KBTBD12: variants seen among roughly 807,000 people sequenced by gnomAD.
KBTBD12 encodes the protein kelch repeat and BTB domain-containing protein 12.
A neutral mutation model predicts 58.7 loss-of-function variants in KBTBD12; 53 were observed. The ratio of observed to expected loss-of-function variants is 0.90; its 90% CI spans 0.72 to 1.14. The LOEUF (loss-of-function observed/expected upper bound fraction) is 1.14. Ranked by LOEUF, KBTBD12 falls within the 50% of genes most tolerant of loss-of-function variation. KBTBD12 has a pLI of 0.00. For synonymous variants in KBTBD12, 236 were observed against 259.8 expected (o/e 0.91, Z 0.88); for missense variants, 704 against 751.3 (o/e 0.94, Z 0.74).
rs992628127 is a variant in KBTBD12 at position 127,983,443 on chromosome 3, G to A, written c.1691-654G>A. Among the ~76,000 whole-genome samples, 3 of 152,218 alleles carry A rather than the reference G, an allele frequency of 2.0e-5. 1 individual carries two copies. The East Asian group carries it at 5.8e-4, about 29-fold the overall frequency. ...CTCTCATAAGAATGGATTAGTTCCT[G>A]GGAAAGGGGGCTGTTAAAAATAGTC... On this transcript the variant is annotated intron_variant, in intron 5 of 5. Transcript: ENST00000405109.
intron 5 of KBTBD12, among the ~76,000 whole-genome samples, chr3:127,965,296 C>T (rs1391613117): frequency 2.6e-5 from 4 of 152,298 alleles, no homozygotes; most frequent in African/African-American, 9.6e-5. Context: ...CTTCTTGGTA[C>T]TATTAATATA....
rs544151305 is a variant in KBTBD12, at chr3:127,929,974, T to C, written c.1342-159T>C. Among the ~76,000 whole-genome samples the C allele has an allele frequency of 6.6e-5, 10 of 152,314 alleles. 1 individual carries two copies. The highest frequency in any genetic ancestry group is 2.4e-4 in the African/African-American group (10 of 41,564). On this transcript the variant is annotated intron_variant, in intron 3 of 5. Transcript: ENST00000405109. ...ATTCCTCTGATATTGACAGTATACT[T>C]ATAACCCCCGTCATGGGGTTTGGTG... is the stretch of plus-strand genomic sequence containing the variant.
intron 5 of KBTBD12, among the ~76,000 whole-genome samples, chr3:127,978,080 G>A (rs993084504): frequency 4.6e-5 from 7 of 152,178 alleles, no homozygotes; most frequent in African/African-American, 1.7e-4. Context: ...TTATTGAATA[G>A]AGAGTCCTTT....
chr3:127,916,581 G>T (rs1939246294), intron 1 of KBTBD12, among the ~76,000 whole-genome samples: 1 of 151,922 alleles, frequency 6.6e-6, no homozygotes, highest in Non-Finnish European at 1.5e-5. Context: ...CTCAGGTCCT[G>T]CACATTGTTG....
At chr3:127,946,356 ATGTCTTCATT>A (rs1381029288) in intron 4 of KBTBD12, among the ~76,000 whole-genome samples, 1 of 152,070 alleles carries the variant, frequency 6.6e-6, no homozygotes, top group African/African-American at 2.4e-5. Flanking sequence ...TTGTCCGTAA[ATGTCTTCATT>A]TGTCTTCATT....
At chr3:127,962,364 G>A (rs539787337) in intron 4 of KBTBD12, among the ~76,000 whole-genome samples, 1 of 152,306 alleles carries the variant, frequency 6.6e-6, no homozygotes, top group East Asian at 1.9e-4. Context: ...TTTTTCCAAT[G>A]GAGAGTTGTA....
At position 127,987,451 on chromosome 3, in the gene KBTBD12, T is replaced by C. The variant is rs770573735; in HGVS notation, c.*3173T>C. The C allele has an allele frequency of 6.6e-6, 1 of 152,240 alleles. No homozygotes were observed. The highest frequency in any genetic ancestry group is 1.5e-5 in the Non-Finnish European group (1 of 68,028). 9.4% of individuals were successfully genotyped at this position (152,240 alleles called of 1,614,324 possible). A position where few individuals can be genotyped will look rare whatever the true frequency, so the allele number is the denominator to read the frequency against. ...GCATGATGGGCTCTTATAAAACTTCTACTATCTGCTAATTCTTATCTTTGT... is the reference window on the plus strand; with the variant it reads ...GCATGATGGGCTCTTATAAAACTTCCACTATCTGCTAATTCTTATCTTTGT... On this transcript the variant is annotated 3_prime_UTR_variant, in exon 6 of 6. Coordinates refer to ENST00000405109, the MANE Select transcript of KBTBD12 (RefSeq NM_207335.4).
intron 4 of KBTBD12, among the ~76,000 whole-genome samples, chr3:127,945,971 G>A (rs111844236): frequency 2.9e-4 from 44 of 152,198 alleles, no homozygotes; most frequent in Non-Finnish European, 5.6e-4. Flanking sequence ...GAGCCACCGC[G>A]CCTGGCCCGT....
At chr3:127,929,158 G>A (rs554692579) in intron 3 of KBTBD12, among the ~76,000 whole-genome samples, 29 of 152,188 alleles carry the variant, frequency 1.9e-4, no homozygotes, top group African/African-American at 5.5e-4. Context: ...TAAAGTCAAC[G>A]TTTGTTAATT....
At chr3:127,939,243 G>A (rs2053015) in intron 4 of KBTBD12, among the ~76,000 whole-genome samples, 8,553 of 152,118 alleles carry the variant, frequency 0.056, 278 homozygotes, top group East Asian at 0.098. Context: ...GTTCCAAGAG[G>A]GTGTGGTCAA....
At chr3:127,967,483 GT>G (rs1340664875) in intron 5 of KBTBD12, among the ~76,000 whole-genome samples, 1 of 152,158 alleles carries the variant, frequency 6.6e-6, no homozygotes, top group Non-Finnish European at 1.5e-5. Context: ...GGTAGATAGG[GT>G]AGGAATGTGA....
Position 127,944,348 on chromosome 3 carries a change from AT to A in KBTBD12, c.1492+14073del, listed in dbSNP as rs566423745. 3.9e-3 allele frequency among the ~76,000 whole-genome samples: 589 copies of A among 151,778 alleles called. 4 individuals are homozygous for A. Among genetic ancestry groups the A allele is most frequent in the African/African-American group, 0.013 (544 of 41,402 alleles). ...ATATGCTTCCATTGATTTGTATCTT[AT>A]TTTTTTTCATCAGTGTTTTATAAAG... On this transcript the variant is annotated intron_variant, in intron 4 of 5. Transcript: ENST00000405109.
intron 5 of KBTBD12, among the ~76,000 whole-genome samples, chr3:127,970,892 TA>T (rs1219811013): frequency 1.4e-5 from 2 of 147,260 alleles, no homozygotes; most frequent in African/African-American, 2.5e-5. Context: ...GTGAATATAC[TA>T]AAAAACCATT....
chr3:127,943,198 T>C (rs1005471458), intron 4 of KBTBD12, among the ~76,000 whole-genome samples: 2 of 152,194 alleles, frequency 1.3e-5, no homozygotes, highest in African/African-American at 4.8e-5. Context: ...TTCCTTTGTG[T>C]GTATACACAG....
chr3:127,966,400 A>G (rs1468040752), intron 5 of KBTBD12, among the ~76,000 whole-genome samples: 1 of 152,248 alleles, frequency 6.6e-6, no homozygotes, highest in East Asian at 1.9e-4. Context: ...TAGAAAGCAA[A>G]CTGGAGGAAA....
At chr3:127,934,953 A>G (rs1939794402) in intron 4 of KBTBD12, among the ~76,000 whole-genome samples, 1 of 152,188 alleles carries the variant, frequency 6.6e-6, no homozygotes, top group African/African-American at 2.4e-5. Context: ...CTAGACAGTA[A>G]CCTGTGTCCA....
At chr3:127,978,943 A>T (rs1176994564) in intron 5 of KBTBD12, among the ~76,000 whole-genome samples, 1 of 152,180 alleles carries the variant, frequency 6.6e-6, no homozygotes, top group Non-Finnish European at 1.5e-5. Flanking sequence ...CAAGAAAGTG[A>T]TCTCATAAAG....
At chr3:127,931,451 C>T (rs1359021910) in intron 4 of KBTBD12, among the ~76,000 whole-genome samples, 1 of 151,980 alleles carries the variant, frequency 6.6e-6, no homozygotes, top group Non-Finnish European at 1.5e-5. Flanking sequence ...GAGACAATCC[C>T]TAACCTATGA....
At chr3:127,982,755 TG>T (rs956644385) in intron 5 of KBTBD12, among the ~76,000 whole-genome samples, 2 of 152,230 alleles carry the variant, frequency 1.3e-5, no homozygotes, top group African/African-American at 4.8e-5. Flanking sequence ...ACAGCTCCCC[TG>T]TCCCAGCTCC....
Sources: allele counts gnomAD v4.1 joint callset (sites outside exome capture counted in the v4.1 genomes callset), GRCh38; gene constraint gnomAD v4.1.1; transcripts MANE v1.5; gene names NCBI Gene and HGNC (gene_info 2026-07-23, HGNC 2026-07-21).